The following ANKS1B variants were observed in gnomAD, a reference collection of about 807,000 sequenced individuals.
The protein encoded by ANKS1B is ankyrin repeat and sterile alpha motif domain-containing protein 1B.
ANKS1B carries 36 observed loss-of-function variants against 148.3 expected under a neutral mutation model. The observed-to-expected ratio is 0.24, with a 90% confidence interval of 0.19 to 0.32. The LOEUF is 0.32. ANKS1B is among the 10% of genes least tolerant of loss of function. The pLI is 1.00. For synonymous variants in ANKS1B, 542 were observed against 560.8 expected (o/e 0.97, Z 0.47); for missense variants, 1,157 against 1,542.6 (o/e 0.75, Z 4.19).
chr12:98,756,069 G>C (rs893914839), intron 25 of ANKS1B, among the ~76,000 whole-genome samples: 2 of 152,198 alleles, frequency 1.3e-5, no homozygotes, highest in Non-Finnish European at 2.9e-5. Flanking sequence ...TCACCATCCT[G>C]GCTGGATGCG....
At chr12:99,440,871 T>C (rs2095539342) in intron 11 of ANKS1B, among the ~76,000 whole-genome samples, 1 of 151,848 alleles carries the variant, frequency 6.6e-6, no homozygotes, top group Non-Finnish European at 1.5e-5. Flanking sequence ...TTGCTACATC[T>C]AAGTAGTATC....
chr12:99,596,979 T>A lies in ANKS1B; in HGVS notation c.1272+58088A>T, dbSNP rs368884192. Among the ~76,000 whole-genome samples the A allele has an allele frequency of 5.7e-4, 87 of 152,072 alleles. 1 individual carries two copies. In the South Asian group the frequency reaches 0.018, roughly 31 times the overall value. On this transcript the variant is annotated intron_variant, in intron 9 of 26. Transcript: ENST00000683438. The stretch of plus-strand genomic sequence containing the variant: ...TGGAATTGCTGAGTCATATGGTAAA[T>A]TTATGTTTTACTTTTTAAGAAAACA...
chr12:99,283,233 A>G (rs931233064), intron 12 of ANKS1B, among the ~76,000 whole-genome samples: 5 of 152,312 alleles, frequency 3.3e-5, no homozygotes, highest in African/African-American at 9.6e-5. Context: ...TGCTTAATAA[A>G]TGTTATTCCT....
chr12:99,130,030 C>G (rs1222826343), intron 15 of ANKS1B, among the ~76,000 whole-genome samples: 1 of 152,076 alleles, frequency 6.6e-6, no homozygotes, highest in East Asian at 1.9e-4. Context: ...AAGAGGAACA[C>G]AATAATCTTT....
intron 17 of ANKS1B, among the ~76,000 whole-genome samples, chr12:98,839,149 C>A (rs1046936756): frequency 4.6e-5 from 7 of 152,194 alleles, no homozygotes; most frequent in African/African-American, 1.7e-4. Flanking sequence ...CTTCTTCTAG[C>A]TAAGTAATCT....
intron 1 of ANKS1B, among the ~76,000 whole-genome samples, chr12:99,936,863 CTTAT>C (rs960899888): frequency 1.3e-5 from 2 of 152,052 alleles, no homozygotes. Context: ...GTTTTATAAC[CTTAT>C]TTGATGTATT....
intron 15 of ANKS1B, among the ~76,000 whole-genome samples, chr12:99,123,065 A>C (rs996659363): frequency 1.3e-5 from 2 of 150,210 alleles, no homozygotes; most frequent in African/African-American, 4.9e-5. Flanking sequence ...CAACAAAAAA[A>C]CCCCAAAAAA....
intron 8 of ANKS1B, among the ~76,000 whole-genome samples, chr12:99,754,309 A>G (rs187383810): frequency 5.0e-4 from 76 of 152,310 alleles, no homozygotes; most frequent in African/African-American, 1.8e-3. Context: ...AGATCTAACT[A>G]TCCTAAATAT....
chr12:98,912,275 C>T (rs188595960), intron 17 of ANKS1B, among the ~76,000 whole-genome samples: 56 of 152,254 alleles, frequency 3.7e-4, no homozygotes, highest in African/African-American at 1.3e-3. Flanking sequence ...TTCTTCATCA[C>T]GACTCTGAGC....
chr12:99,862,120 T>C (rs1420292883), intron 1 of ANKS1B, among the ~76,000 whole-genome samples: 1 of 152,190 alleles, frequency 6.6e-6, no homozygotes, highest in East Asian at 1.9e-4. Flanking sequence ...GTATAAACCA[T>C]TTTTTACAAA....
At position 98,934,764 on chromosome 12, in the gene ANKS1B, G is replaced by A. The variant is rs139012807; in HGVS notation, c.2779-102628C>T. On this transcript the variant is annotated intron_variant, in intron 17 of 26. Coordinates refer to ENST00000683438, the MANE Select transcript of ANKS1B (RefSeq NM_001352186.2). Reference sequence around the variant, plus strand: ...TTTTCCTAATTTCTTTTTTCAGATAGTTCATTGTTAGTGTATAGAAATGCA... The same window carrying A: ...TTTTCCTAATTTCTTTTTTCAGATAATTCATTGTTAGTGTATAGAAATGCA... 1.6e-3 allele frequency among the ~76,000 whole-genome samples: 249 copies of A among 151,504 alleles called. 2 individuals carry two copies. The highest frequency in any genetic ancestry group is 5.9e-3 in the African/African-American group (242 of 41,344).
chr12:99,402,655 C>G (rs2094435436), intron 11 of ANKS1B, among the ~76,000 whole-genome samples: 1 of 146,174 alleles, frequency 6.8e-6, no homozygotes, highest in African/African-American at 2.6e-5. Flanking sequence ...TGATCTCATT[C>G]TTTTTTATGG....
At chr12:99,476,997 G>A (rs1418028356) in intron 10 of ANKS1B, among the ~76,000 whole-genome samples, 1 of 152,132 alleles carries the variant, frequency 6.6e-6, no homozygotes, top group African/African-American at 2.4e-5. Flanking sequence ...GCCTCCCTCA[G>A]TTCCTTGTCC....
At chr12:99,797,751 T>C (rs1236423565) in intron 4 of ANKS1B, among the ~76,000 whole-genome samples, 1 of 151,838 alleles carries the variant, frequency 6.6e-6, no homozygotes, top group East Asian at 1.9e-4. Context: ...CATCAATAAC[T>C]GAATTGTTGA....
chr12:98,818,758 C>A (rs1340250436), intron 19 of ANKS1B, among the ~76,000 whole-genome samples: 1 of 152,162 alleles, frequency 6.6e-6, no homozygotes, highest in African/African-American at 2.4e-5. Context: ...TCCTTTCTTG[C>A]AAAGTGAGGT....
chr12:99,640,023 T>G (rs1011658585), intron 9 of ANKS1B, among the ~76,000 whole-genome samples: 2 of 151,894 alleles, frequency 1.3e-5, no homozygotes, highest in African/African-American at 4.8e-5. Context: ...AATACAAAAA[T>G]TAGCCAGGAG....
intron 15 of ANKS1B, among the ~76,000 whole-genome samples, chr12:99,150,372 T>C (rs1025324508): frequency 6.6e-6 from 1 of 152,144 alleles, no homozygotes; most frequent in Non-Finnish European, 1.5e-5. Context: ...AATCATGGCA[T>C]GCCAAATGTA....
chr12:99,775,651 T>C lies in ANKS1B; in HGVS notation c.858A>G (p.Glu286=), dbSNP rs756134691. The C allele has an allele frequency of 4.4e-6, 7 of 1,591,234 alleles. No homozygotes were observed. The highest frequency in any genetic ancestry group is 6.0e-6 in the Non-Finnish European group (7 of 1,161,958). Residue 286 remains glutamate, a synonymous_variant, in exon 7 of 27, where the codon GAA becomes GAG. Transcript: ENST00000683438. ...CGAGGACTGTAGATCTTCCCACGCC[T>C]TCTAAATACTCTGTGTGTATACATT... ...QIATLLQEYL[E]GVGRSTVLEE... is the part of the protein sequence containing the mutation.
At chr12:98,777,909 A>G (rs2098695927) in intron 24 of ANKS1B, among the ~76,000 whole-genome samples, 1 of 152,248 alleles carries the variant, frequency 6.6e-6, no homozygotes, top group Non-Finnish European at 1.5e-5. Context: ...TTATCACACA[A>G]TGAATTAGTT....
Sources: allele counts gnomAD v4.1 joint callset (sites outside exome capture counted in the v4.1 genomes callset), GRCh38; gene constraint gnomAD v4.1.1; transcripts MANE v1.5; gene names NCBI Gene and HGNC (gene_info 2026-07-23, HGNC 2026-07-21).